The following WIPF2 variants were observed in gnomAD, a reference collection of about 807,000 sequenced individuals.
WIPF2 encodes the protein WAS/WASL interacting protein family member 2, also known as WAS/WASL-interacting protein family member 2.
A neutral mutation model predicts 38.8 loss-of-function variants in WIPF2; 23 were observed. That is an observed-to-expected ratio of 0.59 (90% CI 0.43 to 0.84). WIPF2 has a LOEUF of 0.84. WIPF2 is among the 40% of genes least tolerant of loss of function. The pLI is 0.00. For synonymous variants in WIPF2, 210 were observed against 223.2 expected (o/e 0.94, Z 0.53); for missense variants, 574 against 580.5 (o/e 0.99, Z 0.11).
Position 40,264,978 on chromosome 17 carries a change from C to T in WIPF2, c.802C>T (p.Pro268Ser). Residue 268 changes from proline (P) to serine (S), a missense_variant, in exon 5 of 8, where the codon CCC becomes TCC. Physicochemically the swap from Pro to Ser is moderately conservative, Grantham distance 74. Transcript: ENST00000323571. ...TGGGGTCCCCAATGGACCCTCTAGC[C>T]CCACTAATGAGTCAGCCCCTGAGCT... Reference protein sequence around the residue: ...PPGVPNGPSSPTNESAPELPQ... With the variant: ...PPGVPNGPSSSTNESAPELPQ... The T allele has an allele frequency of 1.2e-6, 2 of 1,614,168 alleles. No individual in the cohort carries two copies. The highest frequency in any genetic ancestry group is 1.1e-5 in the South Asian group (1 of 91,086).
At chr17:40,261,080 A>G (rs2031887930) in intron 3 of WIPF2, among the ~76,000 whole-genome samples, 1 of 150,722 alleles carries the variant, frequency 6.6e-6, no homozygotes, top group African/African-American at 2.4e-5. Flanking sequence ...TACTGTAACT[A>G]ATGCTCATCA....
At chr17:40,220,242 G>C (rs1349519713) in intron 1 of WIPF2, among the ~76,000 whole-genome samples, 3 of 151,914 alleles carry the variant, frequency 2.0e-5, no homozygotes, top group African/African-American at 7.2e-5. Context: ...CTCCCAGAGT[G>C]CTGGGATTAC....
At chr17:40,267,788 G>A (rs547037834) in intron 5 of WIPF2, among the ~76,000 whole-genome samples, 14 of 152,036 alleles carry the variant, frequency 9.2e-5, no homozygotes, top group Non-Finnish European at 1.8e-4. Flanking sequence ...GAGCCACTGC[G>A]CCCAGCCCTT....
At chr17:40,249,853 G>A (rs1299413503) in intron 1 of WIPF2, among the ~76,000 whole-genome samples, 1 of 145,750 alleles carries the variant, frequency 6.9e-6, no homozygotes, top group South Asian at 2.1e-4. Context: ...TTTTTTTTGA[G>A]ATGGAGTCTC....
chr17:40,228,835 C>A (rs2030612927), intron 1 of WIPF2, among the ~76,000 whole-genome samples: 1 of 151,812 alleles, frequency 6.6e-6, no homozygotes, highest in Non-Finnish European at 1.5e-5. Context: ...CTAGGCTGGT[C>A]TTGAACTCGG....
At chr17:40,266,785 T>C (rs1362848957) in intron 5 of WIPF2, among the ~76,000 whole-genome samples, 3 of 152,030 alleles carry the variant, frequency 2.0e-5, no homozygotes, top group Non-Finnish European at 4.4e-5. Context: ...ACAGATTGCC[T>C]GAATAATGAC....
chr17:40,244,378 A>G (rs2031289191), intron 1 of WIPF2, among the ~76,000 whole-genome samples: 1 of 152,080 alleles, frequency 6.6e-6, no homozygotes, highest in East Asian at 1.9e-4. Context: ...ACTGGATGCC[A>G]TTATGCCATT....
chr17:40,260,869 C>G (rs2031879511), intron 3 of WIPF2: 3 of 700,368 alleles, frequency 4.3e-6, no homozygotes, highest in Non-Finnish European at 4.8e-6. Flanking sequence ...AGGTTACCAT[C>G]TCACCGGGCA....
intron 4 of WIPF2, among the ~76,000 whole-genome samples, chr17:40,263,804 A>G (rs1002976800): frequency 5.9e-5 from 9 of 151,726 alleles, no homozygotes; most frequent in African/African-American, 2.2e-4. Context: ...TGGCCTCCCA[A>G]AGTGCTGGGA....
At chr17:40,259,018 CAAAAAA>C (rs903377557) in intron 2 of WIPF2, among the ~76,000 whole-genome samples, 3 of 34,906 alleles carry the variant, frequency 8.6e-5, no homozygotes, top group African/African-American at 2.1e-4. Context: ...AACTCTGTCT[CAAAAAA>C]AAAAAAAAAA....
chr17:40,226,681 C>T (rs1000471730), intron 1 of WIPF2, among the ~76,000 whole-genome samples: 2 of 152,110 alleles, frequency 1.3e-5, no homozygotes, highest in Non-Finnish European at 2.9e-5. Flanking sequence ...TGCTTCTTTC[C>T]TTGTCTTAGA....
intron 1 of WIPF2, among the ~76,000 whole-genome samples, chr17:40,254,815 C>T (rs150588974): frequency 0.015 from 2,301 of 152,036 alleles, 30 homozygotes; most frequent in Non-Finnish European, 0.023. Context: ...CACTGCACCT[C>T]CACCTCCCGG....
intron 1 of WIPF2, among the ~76,000 whole-genome samples, chr17:40,253,167 A>G (rs187057813): frequency 6.7e-6 from 1 of 150,358 alleles, no homozygotes; most frequent in African/African-American, 2.5e-5. Flanking sequence ...GGTTCACGCC[A>G]TTCTCCTGCC....
chr17:40,252,821 T>C (rs1821252908), intron 1 of WIPF2, among the ~76,000 whole-genome samples: 1 of 150,020 alleles, frequency 6.7e-6, no homozygotes, highest in Admixed American at 6.7e-5. Flanking sequence ...TGGAGTACAA[T>C]GGCGCGATCT....
intron 1 of WIPF2, among the ~76,000 whole-genome samples, chr17:40,229,670 C>G (rs1567709308): frequency 1.3e-5 from 2 of 152,152 alleles, no homozygotes; most frequent in African/African-American, 4.8e-5. Flanking sequence ...GATCTTCCTG[C>G]CTCGGCCTCC....
At chr17:40,244,862 G>C (rs2031309054) in intron 1 of WIPF2, among the ~76,000 whole-genome samples, 1 of 152,114 alleles carries the variant, frequency 6.6e-6, no homozygotes, top group Non-Finnish European at 1.5e-5. Context: ...TGCTCATGGA[G>C]AGACTTCTTG....
intron 1 of WIPF2, among the ~76,000 whole-genome samples, chr17:40,246,197 C>T (rs565042283): frequency 5.3e-5 from 8 of 151,066 alleles, no homozygotes; most frequent in Middle Eastern, 3.2e-3. Flanking sequence ...AGCGATTCTC[C>T]TGCCTCAGCC....
In WIPF2 at chr17:40,260,588, C is replaced by T. The variant is rs770520512; in HGVS notation, c.117C>T (p.Ala39=). ...LSRDEQRGRG[A]LLQDICKGTK... is the part of the protein sequence containing the mutation. ...GAGATGAGCAGCGGGGTCGAGGCGC[C>T]CTCTTACAGGACATTTGCAAAGGGA... is the stretch of plus-strand genomic sequence containing the variant. The change falls in exon 3 of 8, where the codon GCC becomes GCT. Residue 39 remains alanine, a synonymous_variant. Coordinates refer to ENST00000323571, the MANE Select transcript of WIPF2 (RefSeq NM_133264.5). 3.7e-6 allele frequency: 6 copies of T among 1,613,772 alleles called. No individual in the cohort carries two copies. In the Middle Eastern group the frequency reaches 4.9e-4, roughly 133 times the overall value.
At chr17:40,249,874 C>T (rs1282159163) in intron 1 of WIPF2, among the ~76,000 whole-genome samples, 1 of 150,538 alleles carries the variant, frequency 6.6e-6, no homozygotes, top group Non-Finnish European at 1.5e-5. Flanking sequence ...GCACTGTCAC[C>T]TGGGCTGGAG....
Sources: gnomAD v4.1 joint callset for allele counts (sites outside exome capture counted in the v4.1 genomes callset) on GRCh38, gnomAD v4.1.1 for gene constraint, MANE v1.5 for transcripts, NCBI Gene and HGNC (gene_info 2026-07-23, HGNC 2026-07-21) for gene names.